Variants in NRP2 observed in about 807,000 individuals in gnomAD.
NRP2 encodes neuropilin 2, also known as neuropilin-2.
In NRP2, 52 loss-of-function variants were observed where a neutral mutation model predicts 110.4. That is an observed-to-expected ratio of 0.47 (90% CI 0.38 to 0.59). NRP2 has a LOEUF of 0.59. Among genes scored for constraint, NRP2 ranks in the 20% least tolerant of loss-of-function variants. NRP2 has a pLI of 0.00. For missense variants in NRP2, 1,049 were observed against 1,203.0 expected (o/e 0.87, Z 1.89); for synonymous variants, 508 against 468.9 (o/e 1.08, Z -1.08).
chr2:205,694,587 G>T (rs1443755481), intron 1 of NRP2, among the ~76,000 whole-genome samples: 1 of 152,170 alleles, frequency 6.6e-6, no homozygotes, highest in African/African-American at 2.4e-5. Flanking sequence ...ATGGAGATTG[G>T]CCTTAAGGGT....
chr2:205,704,732 C>T (rs954942023), intron 2 of NRP2, among the ~76,000 whole-genome samples: 19 of 152,216 alleles, frequency 1.2e-4, no homozygotes, highest in Admixed American at 2.6e-4. Flanking sequence ...ATGCAAGCTT[C>T]GCTGTAGATG....
intron 2 of NRP2, among the ~76,000 whole-genome samples, chr2:205,698,295 C>T (rs1305561314): frequency 6.6e-6 from 1 of 151,964 alleles, no homozygotes; most frequent in African/African-American, 2.4e-5. Flanking sequence ...AGTAGAGTCT[C>T]AAAGTCAGTG....
intron 2 of NRP2, among the ~76,000 whole-genome samples, chr2:205,703,830 T>C (rs1410891746): frequency 1.3e-5 from 2 of 152,214 alleles, no homozygotes; most frequent in Non-Finnish European, 2.9e-5. Context: ...CCCAATTTCT[T>C]AACCAGTGAG....
At position 205,795,232 on chromosome 2, in the gene NRP2, G is replaced by A. The variant is rs770325680; in HGVS notation, c.*174G>A. 79 of 717,076 alleles carry A rather than the reference G, an allele frequency of 1.1e-4. No individual in the cohort carries two copies. Among genetic ancestry groups the A allele is most frequent in the Non-Finnish European group, 1.6e-4 (65 of 416,516 alleles). The allele number at this position is 717,076 out of a possible 1,614,324, so 44.4% of individuals were successfully genotyped here. The stretch of plus-strand genomic sequence containing the variant: ...TCGCAGGAGGAAGGGAGATGCAGCC[G>A]CACAGGGGATGATTACCCTCCTAGG... On this transcript the variant is annotated 3_prime_UTR_variant, in exon 17 of 17. Coordinates refer to ENST00000357785, the MANE Select transcript of NRP2 (RefSeq NM_003872.3).
chr2:205,765,451 G>C (rs941869689), intron 13 of NRP2, 23 bp from the exon 14 acceptor site: 5 of 1,602,990 alleles, frequency 3.1e-6, no homozygotes, highest in Middle Eastern at 3.3e-4. Flanking sequence ...GTTAACCATG[G>C]CTCTTATTCT....
chr2:205,753,453 C>T (rs571583564), intron 12 of NRP2, among the ~76,000 whole-genome samples: 1 of 152,250 alleles, frequency 6.6e-6, no homozygotes, highest in South Asian at 2.1e-4. Flanking sequence ...ATTTGAGGGA[C>T]CAAAATGCTG....
At chr2:205,729,640 G>A (rs192202468) in intron 7 of NRP2, among the ~76,000 whole-genome samples, 56 of 152,366 alleles carry the variant, frequency 3.7e-4, no homozygotes, top group South Asian at 8.3e-4. Context: ...GAGGGATACT[G>A]TAGCATAAGC....
chr2:205,728,729 C>T (rs2057178314), intron 7 of NRP2, among the ~76,000 whole-genome samples: 2 of 152,250 alleles, frequency 1.3e-5, no homozygotes, highest in South Asian at 4.1e-4. Context: ...GCAGCTGGCA[C>T]AGGCGATGTG....
chr2:205,695,981 G>A (rs1245465618), intron 1 of NRP2, among the ~76,000 whole-genome samples: 1 of 152,180 alleles, frequency 6.6e-6, no homozygotes, highest in Non-Finnish European at 1.5e-5. Context: ...CATTAGGTAA[G>A]AAGATGATGT....
At chr2:205,715,283 C>T (rs1393896635) in intron 2 of NRP2, among the ~76,000 whole-genome samples, 1 of 152,130 alleles carries the variant, frequency 6.6e-6, no homozygotes, top group Non-Finnish European at 1.5e-5. Context: ...TGCACCTTCC[C>T]ATGAACGGAG....
Position 205,721,857 on chromosome 2 carries a change from C to T in NRP2, c.434-621C>T, listed in dbSNP as rs116121749. ...GCTAAAAACATCGATTGTTAATTGT[C>T]CGACCACTACAGAGCAGCTCGTTTT... On this transcript the variant is annotated intron_variant, in intron 3 of 16. Transcript: ENST00000357785. 5.0e-3 allele frequency among the ~76,000 whole-genome samples: 763 copies of T among 152,304 alleles called. 3 individuals are homozygous for T. The highest frequency in any genetic ancestry group is 0.017 in the African/African-American group (716 of 41,562).
intron 7 of NRP2, among the ~76,000 whole-genome samples, chr2:205,734,910 T>C (rs1293974154): frequency 6.6e-6 from 1 of 152,208 alleles, no homozygotes; most frequent in African/African-American, 2.4e-5. Flanking sequence ...TTCAGATATT[T>C]ACAGCAAAAT....
At chr2:205,785,904 C>CT (rs1482397377) in intron 15 of NRP2, among the ~76,000 whole-genome samples, 1 of 152,068 alleles carries the variant, frequency 6.6e-6, no homozygotes, top group Non-Finnish European at 1.5e-5. Context: ...AAGCCCCCTC[C>CT]TTTTTTTTCC....
At chr2:205,707,981 C>G (rs981793811) in intron 2 of NRP2, among the ~76,000 whole-genome samples, 1 of 152,222 alleles carries the variant, frequency 6.6e-6, no homozygotes, top group Non-Finnish European at 1.5e-5. Context: ...GGCACACAAG[C>G]ATGATTGATC....
intron 2 of NRP2, among the ~76,000 whole-genome samples, chr2:205,712,005 C>G (rs1205927555): frequency 6.6e-6 from 1 of 152,170 alleles, no homozygotes; most frequent in Non-Finnish European, 1.5e-5. Flanking sequence ...TTTCATATCT[C>G]TCCCGTGGAC....
chr2:205,763,533 C>A lies in NRP2; in HGVS notation c.2045-141C>A. On this transcript the variant is annotated intron_variant, in intron 12 of 16. Coordinates refer to ENST00000357785, the MANE Select transcript of NRP2 (RefSeq NM_003872.3). This position sits in a 1 kb window ranked among gnomAD's most constrained non-coding sequence, Gnocchi z 4.0. ...CTGAAGGAGCCTTAAGAAAGGGTCA[C>A]AGAGCCTGGAGAACAAGGACATGAA... is the stretch of plus-strand genomic sequence containing the variant. The A allele has an allele frequency of 1.8e-6, 2 of 1,119,340 alleles. No individual in the cohort carries two copies. The highest frequency in any genetic ancestry group is 2.7e-6 in the Non-Finnish European group (2 of 739,226). 69.3% of individuals were successfully genotyped at this position (1,119,340 alleles called of 1,614,324 possible).
intron 12 of NRP2, among the ~76,000 whole-genome samples, chr2:205,758,222 A>G (rs3755237): frequency 0.067 from 10,170 of 152,300 alleles, 437 homozygotes; most frequent in South Asian, 0.12. Context: ...TGTTTTAAGC[A>G]TGGACTATGC....
At chr2:205,698,718 C>A (rs2056490137) in intron 2 of NRP2, among the ~76,000 whole-genome samples, 1 of 152,254 alleles carries the variant, frequency 6.6e-6, no homozygotes, top group African/African-American at 2.4e-5. Context: ...AATGTGCCAA[C>A]AGTCATATTC....
At position 205,793,810 on chromosome 2, in the gene NRP2, A is replaced by G. The variant is rs192807970; in HGVS notation, c.2477-944A>G. Among the ~76,000 whole-genome samples the G allele has an allele frequency of 2.9e-3, 437 of 152,328 alleles. 2 individuals are homozygous for G. The highest frequency in any genetic ancestry group is 9.9e-3 in the African/African-American group (412 of 41,586). ...TAAGGTGGTGAGGGTTAGGACTTCA[A>G]TATGAATTTAAGTGTCTGGGAGGGG... On this transcript the variant is annotated intron_variant, in intron 16 of 16. Coordinates refer to ENST00000357785, the MANE Select transcript of NRP2 (RefSeq NM_003872.3).
Sources: gnomAD v4.1 joint callset for allele counts (sites outside exome capture counted in the v4.1 genomes callset) on GRCh38, gnomAD v4.1.1 for gene constraint, Gnocchi (gnomAD v3.1) non-coding constraint, MANE v1.5 for transcripts, NCBI Gene and HGNC (gene_info 2026-07-23, HGNC 2026-07-21) for gene names.